Variants in CEP89 observed in about 807,000 individuals in gnomAD.
CEP89 encodes centrosomal protein of 89 kDa.
A neutral mutation model predicts 97.6 loss-of-function variants in CEP89; 95 were observed. The ratio of observed to expected loss-of-function variants is 0.97; its 90% CI spans 0.82 to 1.15. The LOEUF (loss-of-function observed/expected upper bound fraction) is 1.15, where lower values mean the gene tolerates loss of function less well. Ranked by LOEUF, CEP89 falls within the 50% of genes most tolerant of loss-of-function variation. CEP89 has a pLI of 0.00. For missense variants in CEP89, 869 were observed against 947.7 expected, an observed-to-expected ratio of 0.92 and a Z score of 1.09; for synonymous variants, 354 against 349.1, an observed-to-expected ratio of 1.01 and a Z score of -0.16.
intron 14 of CEP89, among the ~76,000 whole-genome samples, chr19:32,910,878 C>T (rs1341553296): frequency 6.6e-6 from 1 of 152,060 alleles, no homozygotes; most frequent in African/African-American, 2.4e-5. Flanking sequence ...CTGAAGGACC[C>T]GCCTGAGCCT....
intron 12 of CEP89, among the ~76,000 whole-genome samples, chr19:32,922,945 G>A (rs1255297550): frequency 6.6e-6 from 1 of 152,206 alleles, no homozygotes; most frequent in Non-Finnish European, 1.5e-5. Flanking sequence ...GGACCCTAGA[G>A]GATGAGGAGT....
intron 5 of CEP89, among the ~76,000 whole-genome samples, chr19:32,941,041 G>A (rs550021355): frequency 2.0e-5 from 3 of 152,128 alleles, no homozygotes; most frequent in South Asian, 2.1e-4. Flanking sequence ...GATTACAGGC[G>A]TGAGCCACTG....
At position 32,936,404 on chromosome 19, in the gene CEP89, C is replaced by T. The variant is rs1357861255; in HGVS notation, c.667+1227G>A. On this transcript the variant is annotated intron_variant, in intron 7 of 18. Transcript: ENST00000305768. The surrounding 1 kb of genome is among the most constrained non-coding windows in gnomAD (Gnocchi z 4.5). The stretch of plus-strand genomic sequence containing the variant: ...GTGTGAGCAGCCTGGGTGCCATGGA[C>T]TGGGCAGCAGGAGGGAGACAGGTTC... Among the ~76,000 whole-genome samples, 1 of 152,158 alleles carries T rather than the reference C, an allele frequency of 6.6e-6. No homozygotes were observed. Among genetic ancestry groups the T allele is most frequent in the Non-Finnish European group, 1.5e-5 (1 of 68,008 alleles).
chr19:32,933,489 C>A lies in CEP89; in HGVS notation c.848G>T (p.Arg283Ile). 6.2e-7 allele frequency: 1 copy of A among 1,614,120 alleles called. No homozygotes were observed. Among genetic ancestry groups the A allele is most frequent in the Non-Finnish European group, 8.5e-7 (1 of 1,180,020 alleles). The stretch of plus-strand genomic sequence containing the variant: ...CGCCTTCTCAGCCTCTTTGAGCTTT[C>A]TCTTCTCTTTTTCCATTCCCTTAAG... Reference protein sequence around the residue: ...LKLKGMEKEKRKLKEAEKASS... With the variant: ...LKLKGMEKEKIKLKEAEKASS... The change falls in exon 8 of 19, where the codon AGA becomes ATA. Residue 283 changes from arginine to isoleucine, a missense_variant. Physicochemically the swap from Arg to Ile is moderately conservative, Grantham distance 97. Transcript: ENST00000305768.
intron 16 of CEP89, among the ~76,000 whole-genome samples, chr19:32,897,195 C>G (rs1009285344): frequency 2.6e-5 from 4 of 152,182 alleles, no homozygotes; most frequent in Admixed American, 2.6e-4. Flanking sequence ...TGTAGGAAAG[C>G]TTAACAGAAT....
intron 13 of CEP89, 48 bp downstream of exon 13, chr19:32,918,176 A>G (rs113700504): frequency 1.4e-6 from 2 of 1,411,314 alleles, no homozygotes; most frequent in South Asian, 2.3e-5. Context: ...GGGTAAAATG[A>G]CAATAGTGAC....
chr19:32,908,437 C>T (rs1396082394), intron 14 of CEP89, among the ~76,000 whole-genome samples: 4 of 152,100 alleles, frequency 2.6e-5, no homozygotes, highest in African/African-American at 4.8e-5. Context: ...AGGATGGAGC[C>T]GGGAGTGTGA....
chr19:32,930,971 G>C (rs1568566450), intron 9 of CEP89, among the ~76,000 whole-genome samples: 1 of 151,902 alleles, frequency 6.6e-6, no homozygotes, highest in Non-Finnish European at 1.5e-5. Flanking sequence ...CCACACCCTT[G>C]ACCTCCCATG....
chr19:32,942,725 C>T (rs904312524), intron 5 of CEP89, among the ~76,000 whole-genome samples: 2 of 152,166 alleles, frequency 1.3e-5, no homozygotes, highest in Non-Finnish European at 2.9e-5. Context: ...TTTCCAGAGT[C>T]CTCACCCTCC....
At chr19:32,897,212 G>A (rs1304156836) in intron 16 of CEP89, among the ~76,000 whole-genome samples, 1 of 152,180 alleles carries the variant, frequency 6.6e-6, no homozygotes, top group Non-Finnish European at 1.5e-5. Flanking sequence ...GAATTTCAGT[G>A]TCTTTCTATG....
intron 14 of CEP89, 22 bp downstream of exon 14, chr19:32,915,315 A>AT: frequency 6.4e-7 from 1 of 1,552,116 alleles, no homozygotes; most frequent in Non-Finnish European, 8.7e-7. Context: ...AAAAAAAAAA[A>AT]GAAAAAACAT....
chr19:32,915,915 T>C (rs1421606678), intron 13 of CEP89, among the ~76,000 whole-genome samples: 2 of 62,198 alleles, frequency 3.2e-5, no homozygotes. Flanking sequence ...TGAGACTCTC[T>C]CAGAAAAAAA....
chr19:32,960,284 A>C (rs111505991), intron 2 of CEP89, among the ~76,000 whole-genome samples: 17 of 152,170 alleles, frequency 1.1e-4, no homozygotes, highest in African/African-American at 3.9e-4. Context: ...AAATTAAATG[A>C]CTTGTAAAGA....
chr19:32,938,686 C>G (rs1370194349), intron 6 of CEP89, among the ~76,000 whole-genome samples: 3 of 152,048 alleles, frequency 2.0e-5, no homozygotes, highest in Non-Finnish European at 4.4e-5. Flanking sequence ...TGGTGGCTCA[C>G]ACCCGTAATC....
chr19:32,926,303 A>G (rs761025395), intron 10 of CEP89, 30 bp from the exon 11 acceptor site: 3 of 1,505,786 alleles, frequency 2.0e-6, no homozygotes, highest in Admixed American at 1.7e-5. Flanking sequence ...GAAGGTTAAT[A>G]TATTTCTTAC....
intron 14 of CEP89, among the ~76,000 whole-genome samples, chr19:32,913,300 TATA>T (rs1214446649): frequency 9.8e-5 from 3 of 30,742 alleles, no homozygotes; most frequent in Non-Finnish European, 1.2e-4. Flanking sequence ...TATATATATA[TATA>T]TATTTTTTTG....
chr19:32,902,006 C>CTGTGTGTGTGTGTGTGTGTGTG (rs1287486651), intron 14 of CEP89, among the ~76,000 whole-genome samples: 23 of 98,758 alleles, frequency 2.3e-4, no homozygotes, highest in South Asian at 1.8e-3. Flanking sequence ...GTCTCTCTCT[C>CTGTGTGTGTGTGTGTGTGTGTG]TCTCTGTGTG....
intron 16 of CEP89, among the ~76,000 whole-genome samples, chr19:32,899,418 A>G (rs1969716704): frequency 6.6e-6 from 1 of 152,144 alleles, no homozygotes; most frequent in Admixed American, 6.5e-5. Context: ...ACAGGCACAC[A>G]GCACCATGCC....
chr19:32,887,960 G>T, intron 16 of CEP89, 119 bp from the exon 17 acceptor site: 1 of 661,782 alleles, frequency 1.5e-6, no homozygotes, highest in Non-Finnish European at 2.6e-6. Context: ...AACCTGTCCT[G>T]CCTCAACCCC....
Sources: gnomAD v4.1 joint callset for allele counts (sites outside exome capture counted in the v4.1 genomes callset) on GRCh38, gnomAD v4.1.1 for gene constraint, Gnocchi (gnomAD v3.1) non-coding constraint, MANE v1.5 for transcripts, NCBI Gene and HGNC (gene_info 2026-07-23, HGNC 2026-07-21) for gene names.